The following ANGEL1 variants were observed in gnomAD, a reference collection of about 807,000 sequenced individuals.
ANGEL1 encodes angel homolog 1.
A neutral mutation model predicts 76.4 loss-of-function variants in ANGEL1; 62 were observed. The ratio of observed to expected loss-of-function variants is 0.81; its 90% CI spans 0.66 to 1.00. ANGEL1 has a LOEUF of 1.00. Among genes scored for constraint, ANGEL1 ranks in the 50% least tolerant of loss-of-function variants. The pLI, the probability that ANGEL1 is intolerant of heterozygous loss-of-function variation, is 0.00. For missense variants in ANGEL1, 737 were observed against 836.7 expected, an observed-to-expected ratio of 0.88 and a Z score of 1.47; for synonymous variants, 340 against 331.7, an observed-to-expected ratio of 1.03 and a Z score of -0.27.
In ANGEL1 at chr14:76,808,009, CTCTGAGCTCTGCTGCA is replaced by C; in HGVS notation, c.773_788del (p.Met258SerfsTer18). ...TGTCTGGATGGCAATGTAGATAGAG[CTCTGAGCTCTGCTGCA>C]TCAGGTCCTGAGCCAGGATGTTATA... On this transcript the variant is annotated frameshift_variant, in exon 3 of 10. Coordinates refer to ENST00000251089, the MANE Select transcript of ANGEL1 (RefSeq NM_015305.4). LOFTEE classifies it high-confidence loss of function. 6.2e-7 allele frequency: 1 copy of C among 1,614,150 alleles called. No homozygotes were observed. The highest frequency in any genetic ancestry group is 1.3e-5 in the African/African-American group (1 of 75,068).
At position 76,807,942 on chromosome 14, in the gene ANGEL1, A is replaced by G; in HGVS notation, c.856T>C (p.Phe286Leu). The G allele has an allele frequency of 6.2e-7, 1 of 1,614,026 alleles. No homozygotes were observed. The highest frequency in any genetic ancestry group is 8.5e-7 in the Non-Finnish European group (1 of 1,180,032). Residue 286 changes from phenylalanine to leucine, a missense_variant, in exon 3 of 10, where the codon TTC (phenylalanine) becomes CTC (leucine). Transcript: ENST00000251089. ...NYRFVNLMQE[F>L]QHWDPDILCL... ...CTCACATCAGGGTCCCAGTGCTGGA[A>G]TTCCTGCATGAGGTTCACGAAGCGA...
At position 76,809,056 on chromosome 14, in the gene ANGEL1, C is replaced by T; in HGVS notation, c.649+3G>A. 3 of 1,604,362 alleles carry T rather than the reference C, an allele frequency of 1.9e-6. No homozygotes were observed. Among genetic ancestry groups the T allele is most frequent in the Non-Finnish European group, 2.6e-6 (3 of 1,173,932 alleles). ...GGCTCACTCAACCAGTTGTCAGACT[C>T]ACCATGATATGGTATTTCCACTGCG... On this transcript the variant is annotated splice_donor_region_variant and intron_variant, in intron 2 of 9. Transcript: ENST00000251089.
At chr14:76,812,334 G>C in intron 1 of ANGEL1, 2 of 1,012,734 alleles carry the variant, frequency 2.0e-6, no homozygotes, top group South Asian at 9.3e-5. Flanking sequence ...CCAGTACTTC[G>C]GCCATAAACC....
chr14:76,786,550 T>C lies in ANGEL1; in HGVS notation c.*2678A>G, dbSNP rs1389066168. On this transcript the variant is annotated 3_prime_UTR_variant, in exon 10 of 10. Coordinates refer to ENST00000251089, the MANE Select transcript of ANGEL1 (RefSeq NM_015305.4). The stretch of plus-strand genomic sequence containing the variant: ...ACCAAGTGGCTTTAAATCAATCAGA[T>C]TCTCAGAGACTGATTCAGAGGCCTG... 6.6e-6 allele frequency: 1 copy of C among 152,204 alleles called. No homozygotes were observed. The highest frequency in any genetic ancestry group is 1.5e-5 in the Non-Finnish European group (1 of 68,036). 9.4% of individuals were successfully genotyped at this position (152,204 alleles called of 1,614,324 possible). A position where few individuals can be genotyped will look rare whatever the true frequency, so the allele number is the denominator to read the frequency against.
At chr14:76,804,013 C>T (rs1894842944) in intron 5 of ANGEL1, 101 bp from the exon 6 acceptor site, 1 of 1,611,194 alleles carries the variant, frequency 6.2e-7, no homozygotes. Context: ...CACATACAAT[C>T]ACACACTACG....
intron 5 of ANGEL1, among the ~76,000 whole-genome samples, chr14:76,805,666 TG>T (rs1566700620): frequency 6.6e-6 from 1 of 151,940 alleles, no homozygotes; most frequent in African/African-American, 2.4e-5. Flanking sequence ...AATTGCTGAG[TG>T]AAAAAAAACA....
At chr14:76,793,428 A>C (rs1204708121) in intron 7 of ANGEL1, among the ~76,000 whole-genome samples, 1 of 8,174 alleles carries the variant, frequency 1.2e-4, no homozygotes, top group African/African-American at 5.1e-4. Context: ...AGGAGAGGGG[A>C]GGAGGAGGAG....
intron 2 of ANGEL1, 131 bp from the exon 3 acceptor site, chr14:76,808,279 T>G: frequency 2.8e-6 from 2 of 723,956 alleles, no homozygotes; most frequent in Non-Finnish European, 4.5e-6. Context: ...CATCCCTCTC[T>G]GTGGGGAATT....
intron 1 of ANGEL1, chr14:76,812,195 C>A (rs1895107694): frequency 1.0e-6 from 1 of 975,002 alleles, no homozygotes; most frequent in Non-Finnish European, 1.2e-6. Flanking sequence ...GGCAGGAATG[C>A]TCCAAAGCTG....
chr14:76,796,350 GTTATCCTTTTACC>G (rs1308217836), intron 7 of ANGEL1, among the ~76,000 whole-genome samples: 1 of 150,844 alleles, frequency 6.6e-6, no homozygotes, highest in Non-Finnish European at 1.5e-5. Context: ...CCGGGCTCAA[GTTATCCTTTTACC>G]TTAGCCTCTC....
chr14:76,808,214 C>T, intron 2 of ANGEL1, 66 bp from the exon 3 acceptor site: 2 of 1,361,876 alleles, frequency 1.5e-6, no homozygotes, highest in Non-Finnish European at 2.1e-6. Flanking sequence ...GCCATCTCCA[C>T]TCCTGACTCA....
intron 1 of ANGEL1, chr14:76,810,111 A>G (rs1895039744): frequency 2.2e-6 from 1 of 447,632 alleles, no homozygotes; most frequent in Admixed American, 2.4e-5. Flanking sequence ...CCCTAGTCAG[A>G]TGAAGTTACT....
At chr14:76,808,935 A>T in intron 2 of ANGEL1, 124 bp downstream of exon 2, 1 of 930,796 alleles carries the variant, frequency 1.1e-6, no homozygotes, top group Non-Finnish European at 1.6e-6. Flanking sequence ...ACATGCCAAG[A>T]TTCTTAGAAA....
intron 7 of ANGEL1, among the ~76,000 whole-genome samples, chr14:76,799,436 G>A (rs1035504283): frequency 1.3e-5 from 2 of 151,764 alleles, no homozygotes; most frequent in Non-Finnish European, 2.9e-5. Context: ...TGGGACTACA[G>A]GCGCCCGCCA....
intron 7 of ANGEL1, among the ~76,000 whole-genome samples, chr14:76,795,298 T>C (rs1410941807): frequency 6.6e-6 from 1 of 152,214 alleles, no homozygotes; most frequent in Admixed American, 6.5e-5. Flanking sequence ...TAAAATTATA[T>C]TAATAGATAT....
In ANGEL1 at chr14:76,786,932, C is replaced by G. The variant is rs997797401; in HGVS notation, c.*2296G>C. The G allele has an allele frequency of 1.3e-5, 2 of 152,296 alleles. No individual in the cohort carries two copies. Among genetic ancestry groups the G allele is most frequent in the African/African-American group, 4.8e-5 (2 of 41,450 alleles). The allele number at this position is 152,296 out of a possible 1,614,324, so 9.4% of individuals were successfully genotyped here. A position where few individuals can be genotyped will look rare whatever the true frequency, so the allele number is the denominator to read the frequency against. ...ATACTAGGAGGAGGCATGGGGGGAGCAGATGGAGGAAGAATGAAAAGCAGT... is the reference window on the plus strand; with the variant it reads ...ATACTAGGAGGAGGCATGGGGGGAGGAGATGGAGGAAGAATGAAAAGCAGT... On this transcript the variant is annotated 3_prime_UTR_variant, in exon 10 of 10. Transcript: ENST00000251089.
chr14:76,803,971 C>A, intron 5 of ANGEL1, 59 bp from the exon 6 acceptor site: 1 of 1,613,884 alleles, frequency 6.2e-7, no homozygotes, highest in Non-Finnish European at 8.5e-7. Flanking sequence ...GAAGTAACAG[C>A]CCATGTTTTG....
chr14:76,806,276 C>A (rs994558604), intron 5 of ANGEL1, 140 bp downstream of exon 5: 16 of 867,498 alleles, frequency 1.8e-5, no homozygotes, highest in South Asian at 4.0e-5. Context: ...TGGGTACAAG[C>A]TATTCAACAT....
Position 76,807,454 on chromosome 14 carries a change from C to G in ANGEL1, c.925G>C (p.Glu309Gln), listed in dbSNP as rs1325118254. Residue 309 changes from glutamate to glutamine, a missense_variant, in exon 4 of 10, where the codon GAA becomes CAA. By Grantham distance (29) the Glu-to-Gln change is conservative. Coordinates refer to ENST00000251089, the MANE Select transcript of ANGEL1 (RefSeq NM_015305.4). ...TTACCCATCATTCGCAGAGAGGGTTCCAGCTGCTCCCAGTAATGATCTTCC... is the reference window on the plus strand; with the variant it reads ...TTACCCATCATTCGCAGAGAGGGTTGCAGCTGCTCCCAGTAATGATCTTCC... Reference protein sequence around the residue: ...VQEDHYWEQLEPSLRMMGFTC... With the variant: ...VQEDHYWEQLQPSLRMMGFTC... The G allele has an allele frequency of 6.2e-7, 1 of 1,613,048 alleles. No homozygotes were observed. The highest frequency in any genetic ancestry group is 1.1e-5 in the South Asian group (1 of 90,718).
Sources: gnomAD v4.1 joint callset for allele counts (sites outside exome capture counted in the v4.1 genomes callset) on GRCh38, gnomAD v4.1.1 for gene constraint, MANE v1.5 for transcripts, NCBI Gene and HGNC (gene_info 2026-07-23, HGNC 2026-07-21) for gene names.